The following DMD variants were observed in gnomAD, a reference collection of about 807,000 sequenced individuals.
DMD encodes dystrophin, also known as mutant dystrophin.
In DMD, 63 loss-of-function variants were observed where a neutral mutation model predicts 330.1. That is an observed-to-expected ratio of 0.19 (90% CI 0.16 to 0.24). The LOEUF (loss-of-function observed/expected upper bound fraction) is 0.24, where lower values mean the gene tolerates loss of function less well. DMD is among the 10% of genes least tolerant of loss of function. The pLI is 1.00. For synonymous variants in DMD, 1,223 were observed against 959.8 expected (o/e 1.27, Z -5.07); for missense variants, 3,344 against 2,684.1 (o/e 1.25, Z -5.43).
In DMD at chrX:31,314,742, C is replaced by CAGAGAGAGAGAGAGAGAAAGAGAG. The variant is rs2055831517; in HGVS notation, c.9224+8855_9224+8856insCTCTCTTTCTCTCTCTCTCTCTCT. Among the ~76,000 whole-genome samples the CAGAGAGAGAGAGAGAGAAAGAGAG allele has an allele frequency of 1.4e-4, 8 of 55,281 alleles. 1 individual carries two copies. The highest frequency in any genetic ancestry group is 6.8e-4 in the African/African-American group (8 of 11,778). The allele number at this position is 55,281 out of a possible 115,157, so 48.0% of individuals were successfully genotyped here. A position where few individuals can be genotyped will look rare whatever the true frequency, so the allele number is the denominator to read the frequency against. On this transcript the variant is annotated intron_variant, in intron 62 of 78. Coordinates refer to ENST00000357033, the MANE Select transcript of DMD (RefSeq NM_004006.3). Reference sequence around the variant, plus strand: ...ATTTCTTTAAAAAAGAATACATACACAGAGAGAGAGAGAGAGAGAGAGAGA... The same window carrying CAGAGAGAGAGAGAGAGAAAGAGAG: ...ATTTCTTTAAAAAAGAATACATACACAGAGAGAGAGAGAGAGAAAGAGAGAGAGAGAGAGAGAGAGAGAGAGAGA...
intron 45 of DMD, among the ~76,000 whole-genome samples, chrX:31,942,280 ACCTTGTCT>A (rs1176750251): frequency 5.4e-5 from 6 of 111,659 alleles, no homozygotes; most frequent in African/African-American, 1.3e-4. Context: ...CGTGCCTCCT[ACCTTGTCT>A]CCTTCTTATC....
chrX:32,228,174 G>T (rs754426285), intron 43 of DMD, among the ~76,000 whole-genome samples: 2 of 111,112 alleles, frequency 1.8e-5, no homozygotes, highest in African/African-American at 6.5e-5. Context: ...CTTGGTATCT[G>T]ATTATTTAAC....
chrX:32,094,752 G>T (rs1175772912), intron 44 of DMD, among the ~76,000 whole-genome samples: 1 of 111,009 alleles, frequency 9.0e-6, no homozygotes, highest in East Asian at 2.8e-4. Flanking sequence ...TAGGAAGATA[G>T]CCAAGAAATG....
chrX:31,339,377 G>C (rs144197318), intron 61 of DMD, among the ~76,000 whole-genome samples: 5 of 111,269 alleles, frequency 4.5e-5, no homozygotes, highest in Non-Finnish European at 9.4e-5. Context: ...TGAATTTATA[G>C]GGGCATTATC....
At chrX:31,273,882 T>A (rs748248117) in intron 62 of DMD, among the ~76,000 whole-genome samples, 1 of 111,847 alleles carries the variant, frequency 8.9e-6, no homozygotes, top group Admixed American at 9.5e-5. Context: ...TGTTAACTCA[T>A]CTATAGAATG....
intron 65 of DMD, among the ~76,000 whole-genome samples, chrX:31,207,582 G>T (rs910938060): frequency 8.1e-5 from 9 of 111,770 alleles, no homozygotes; most frequent in African/African-American, 2.6e-4. Context: ...TTTGAACACG[G>T]ATTAGCTGGA....
Position 32,153,157 on chromosome X carries a change from T to C in DMD, c.6438+63759A>G, listed in dbSNP as rs189558008. ...AGAACAAGGGAAAACATAAGAATGGTATTATTGGAGTGTATTGCTATACAT... is the reference window on the plus strand; with the variant it reads ...AGAACAAGGGAAAACATAAGAATGGCATTATTGGAGTGTATTGCTATACAT... On this transcript the variant is annotated intron_variant, in intron 44 of 78. Coordinates refer to ENST00000357033, the MANE Select transcript of DMD (RefSeq NM_004006.3). Among the ~76,000 whole-genome samples, 53 of 112,225 alleles carry C rather than the reference T, an allele frequency of 4.7e-4. No individual in the cohort carries two copies. In the Admixed American group the frequency reaches 4.9e-3, roughly 10 times the overall value.
At chrX:32,607,463 A>T (rs759036176) in intron 12 of DMD, among the ~76,000 whole-genome samples, 106 of 108,946 alleles carry the variant, frequency 9.7e-4, no homozygotes, top group African/African-American at 3.3e-3. Flanking sequence ...TAAAAATTTA[A>T]TTGTTAAAGG....
At chrX:31,231,976 T>C (rs915926556) in intron 63 of DMD, among the ~76,000 whole-genome samples, 1 of 106,328 alleles carries the variant, frequency 9.4e-6, no homozygotes, top group African/African-American at 3.5e-5. Context: ...TAGGGAAACA[T>C]AGGTCCGAGA....
At chrX:32,980,841 A>G (rs116531445) in intron 2 of DMD, among the ~76,000 whole-genome samples, 1 of 112,006 alleles carries the variant, frequency 8.9e-6, no homozygotes, top group Non-Finnish European at 1.9e-5. Flanking sequence ...CTAATGATAA[A>G]GCTGTTATCA....
intron 55 of DMD, among the ~76,000 whole-genome samples, chrX:31,592,047 T>C (rs1263292801): frequency 9.1e-6 from 1 of 110,359 alleles, no homozygotes; most frequent in Non-Finnish European, 1.9e-5. Context: ...TTATGCCTTA[T>C]ATATATTTCT....
intron 7 of DMD, among the ~76,000 whole-genome samples, chrX:32,751,472 G>A (rs561837569): frequency 9.0e-6 from 1 of 111,662 alleles, no homozygotes. Flanking sequence ...TCTGGTGGGA[G>A]AAACTTCTAA....
chrX:33,003,872 G>T (rs1379891187), intron 2 of DMD, among the ~76,000 whole-genome samples: 2 of 112,252 alleles, frequency 1.8e-5, no homozygotes, highest in Non-Finnish European at 1.9e-5. Context: ...TTCCAAAATT[G>T]TATTCGATGT....
intron 60 of DMD, among the ~76,000 whole-genome samples, chrX:31,441,396 C>T (rs2064945575): frequency 9.0e-6 from 1 of 111,428 alleles, no homozygotes; most frequent in Non-Finnish European, 1.9e-5. Context: ...GAGGTTTCAC[C>T]ATGCTGGTCA....
At chrX:31,193,361 T>G (rs899291196) in intron 67 of DMD, among the ~76,000 whole-genome samples, 1 of 112,271 alleles carries the variant, frequency 8.9e-6, no homozygotes, top group African/African-American at 3.2e-5. Context: ...CCAATGGCAG[T>G]TCAGTAAAGA....
At chrX:32,863,533 T>A (rs1226818415) in intron 2 of DMD, among the ~76,000 whole-genome samples, 5 of 33,942 alleles carry the variant, frequency 1.5e-4, no homozygotes, top group African/African-American at 2.7e-4. Flanking sequence ...AAAGATTGTG[T>A]TTATACACAC....
intron 47 of DMD, among the ~76,000 whole-genome samples, chrX:31,913,466 T>A (rs1187302234): frequency 8.9e-6 from 1 of 112,065 alleles, no homozygotes; most frequent in Non-Finnish European, 1.9e-5. Flanking sequence ...TTCCTGCTCT[T>A]ATGTGAATAT....
At chrX:32,862,714 CCCTATAAAATTGAACATTCTGA>C (rs1359785763) in intron 2 of DMD, among the ~76,000 whole-genome samples, 3 of 110,741 alleles carry the variant, frequency 2.7e-5, no homozygotes, top group Non-Finnish European at 5.7e-5. Context: ...TTTAAATATC[CCCTATAAAATTGAACATTCTGA>C]AAGTTAAACC....
Position 32,362,774 on chromosome X carries a change from G to A in DMD, c.5325+14C>T, listed in dbSNP as rs369965757. The A allele has an allele frequency of 6.6e-6, 8 of 1,208,442 alleles. No individual in the cohort carries two copies. In the African/African-American group the frequency reaches 8.8e-5, roughly 13 times the overall value. On this transcript the variant is annotated intron_variant, in intron 37 of 78. Transcript: ENST00000357033. ...ATTTAGCACAAGTTTCCACCTTGGA[G>A]TAGATCTTCCTACCTTTCCAGTCTT... is the stretch of plus-strand genomic sequence containing the variant.
Sources: gnomAD v4.1 joint callset for allele counts (sites outside exome capture counted in the v4.1 genomes callset) on GRCh38, gnomAD v4.1.1 for gene constraint, MANE v1.5 for transcripts, NCBI Gene and HGNC (gene_info 2026-07-23, HGNC 2026-07-21) for gene names.